ZNF609: variants seen among roughly 807,000 people sequenced by gnomAD.
ZNF609 encodes the protein zinc finger protein 609.
Under a neutral mutation model 109.5 loss-of-function variants are expected in ZNF609, and 11 were observed. The observed-to-expected ratio is 0.10, with a 90% CI of 0.06 to 0.17. The LOEUF is 0.17. ZNF609 is among the 10% of genes least tolerant of loss of function. The pLI, the probability that ZNF609 is intolerant of heterozygous loss-of-function variation, is 1.00. For synonymous variants in ZNF609, 646 were observed against 662.0 expected (o/e 0.98, Z 0.37); for missense variants, 1,559 against 1,772.4 (o/e 0.88, Z 2.16).
intron 2 of ZNF609, among the ~76,000 whole-genome samples, chr15:64,514,174 G>A (rs150407658): frequency 2.0e-5 from 3 of 151,592 alleles, no homozygotes; most frequent in South Asian, 2.1e-4. Context: ...CAGCTGTGAG[G>A]CCCAAACCAT....
intron 5 of ZNF609, 85 bp downstream of exon 5, chr15:64,676,341 G>A: frequency 1.5e-6 from 2 of 1,306,172 alleles, no homozygotes; most frequent in South Asian, 3.3e-5. Flanking sequence ...TTATACAGGG[G>A]TTCAACGGAA....
intron 2 of ZNF609, among the ~76,000 whole-genome samples, chr15:64,532,699 C>A (rs1413567204): frequency 6.6e-6 from 1 of 152,148 alleles, no homozygotes; most frequent in Admixed American, 6.5e-5. Context: ...AGCTTCACAG[C>A]GAGATGACTG....
At chr15:64,680,130 CAG>C (rs1201242178) in intron 6 of ZNF609, 53 bp from the exon 7 acceptor site, 24 of 1,586,952 alleles carry the variant, frequency 1.5e-5, no homozygotes, top group Non-Finnish European at 2.0e-5. Context: ...CTCACTAAAG[CAG>C]AGTTTCCTCT....
chr15:64,675,790 A>G lies in ZNF609; in HGVS notation c.2936A>G (p.Tyr979Cys), dbSNP rs745744581. ...MQSLYYNQYA[Y>C]VPPYGYSDQS... ...TCCCTGTACTACAACCAGTATGCCT[A>G]TGTACCCCCCTATGGCTACAGCGAC... The change falls in exon 5 of 10, where the codon TAT (tyrosine) becomes TGT (cysteine). Residue 979 changes from tyrosine (Y) to cysteine (C), a missense_variant. Physicochemically the swap from Tyr to Cys is radical, Grantham distance 194. Around this residue, in one of 4 missense-constraint regions of ZNF609, gnomAD observed 1,204 missense variants for 1,314.1 expected, o/e 0.92. Transcript: ENST00000326648. 2.5e-6 allele frequency: 4 copies of G among 1,614,172 alleles called. No homozygotes were observed. Among genetic ancestry groups the G allele is most frequent in the Admixed American group, 1.7e-5 (1 of 60,016 alleles).
At chr15:64,619,650 T>C (rs1895849414) in intron 2 of ZNF609, among the ~76,000 whole-genome samples, 1 of 152,238 alleles carries the variant, frequency 6.6e-6, no homozygotes, top group South Asian at 2.1e-4. Flanking sequence ...GTCATCTTCA[T>C]ACAACAGAGA....
At chr15:64,511,220 C>G (rs1893723058) in intron 2 of ZNF609, among the ~76,000 whole-genome samples, 1 of 151,740 alleles carries the variant, frequency 6.6e-6, no homozygotes, top group African/African-American at 2.4e-5. Context: ...ACCTGTAATC[C>G]CAGCACTTTG....
At chr15:64,665,044 C>T (rs1314347430) in intron 3 of ZNF609, among the ~76,000 whole-genome samples, 1 of 152,166 alleles carries the variant, frequency 6.6e-6, no homozygotes, top group Non-Finnish European at 1.5e-5. Context: ...CAGAGCAGGC[C>T]ACCTTTTGGG....
intron 6 of ZNF609, among the ~76,000 whole-genome samples, chr15:64,679,967 A>C (rs1896858937): frequency 6.6e-6 from 1 of 152,194 alleles, no homozygotes; most frequent in Non-Finnish European, 1.5e-5. Flanking sequence ...GGAAGTTGGA[A>C]GCAGGAAACA....
chr15:64,482,514 G>T (rs1270559988), intron 1 of ZNF609, among the ~76,000 whole-genome samples: 1 of 152,024 alleles, frequency 6.6e-6, no homozygotes, highest in Non-Finnish European at 1.5e-5. Context: ...ACCTTAAATT[G>T]TAAGTGGCAT....
intron 2 of ZNF609, among the ~76,000 whole-genome samples, chr15:64,602,524 G>A (rs1034150152): frequency 1.4e-4 from 22 of 151,934 alleles, no homozygotes; most frequent in African/African-American, 4.4e-4. Context: ...TGCTTTTATC[G>A]TTATGATGAT....
chr15:64,619,433 A>G (rs1305003400), intron 2 of ZNF609, among the ~76,000 whole-genome samples: 2 of 152,242 alleles, frequency 1.3e-5, no homozygotes, highest in African/African-American at 4.8e-5. Flanking sequence ...ATTATGCACT[A>G]TGGCTTAATG....
chr15:64,640,020 A>C (rs1299139769), intron 3 of ZNF609, among the ~76,000 whole-genome samples: 1 of 152,028 alleles, frequency 6.6e-6, no homozygotes, highest in East Asian at 1.9e-4. Flanking sequence ...CCTGGGTTCA[A>C]GCGATTCTCT....
chr15:64,530,702 A>G (rs933028788), intron 2 of ZNF609, among the ~76,000 whole-genome samples: 3 of 152,198 alleles, frequency 2.0e-5, no homozygotes, highest in African/African-American at 7.2e-5. Context: ...TTGAGTTTGA[A>G]TTTATTTAAT....
intron 1 of ZNF609, among the ~76,000 whole-genome samples, chr15:64,472,211 C>T (rs1893101665): frequency 6.6e-6 from 1 of 152,162 alleles, no homozygotes; most frequent in Admixed American, 6.5e-5. Context: ...CCACACCCGG[C>T]CTATAAGTAG....
intron 2 of ZNF609, among the ~76,000 whole-genome samples, chr15:64,618,892 G>A (rs1895839431): frequency 6.6e-6 from 1 of 152,214 alleles, no homozygotes. Context: ...GGGAGGGGCT[G>A]TGGCAGGCCA....
chr15:64,675,622 C>A lies in ZNF609; in HGVS notation c.2768C>A (p.Ala923Asp). The change falls in exon 5 of 10, where the codon GCC (alanine) becomes GAC (aspartate). Residue 923 changes from alanine to aspartate, a missense_variant. Transcript: ENST00000326648. ...PSSQAGVESQ[A>D]LKTKRDEEPE... is the part of the protein sequence containing the mutation. ...AGCCAGGCAGGAGTGGAGAGCCAGGCCCTGAAGACAAAAAGGGATGAGGAA... is the reference window on the plus strand; with the variant it reads ...AGCCAGGCAGGAGTGGAGAGCCAGGACCTGAAGACAAAAAGGGATGAGGAA... The A allele has an allele frequency of 1.9e-6, 3 of 1,613,984 alleles. No homozygotes were observed. Among genetic ancestry groups the A allele is most frequent in the Middle Eastern group, 1.6e-4 (1 of 6,062 alleles).
At chr15:64,629,632 C>G (rs904097668) in intron 3 of ZNF609, among the ~76,000 whole-genome samples, 1 of 152,164 alleles carries the variant, frequency 6.6e-6, no homozygotes, top group African/African-American at 2.4e-5. Flanking sequence ...TTCCCAGAAG[C>G]CACACCATAA....
chr15:64,647,732 T>C (rs1234570309), intron 3 of ZNF609, among the ~76,000 whole-genome samples: 1 of 152,202 alleles, frequency 6.6e-6, no homozygotes, highest in African/African-American at 2.4e-5. Flanking sequence ...ACTTCTTAAA[T>C]TTTCTAGCTC....
chr15:64,683,097 C>T lies in ZNF609; in HGVS notation c.*1411C>T, dbSNP rs907880554. On this transcript the variant is annotated 3_prime_UTR_variant, in exon 10 of 10. Coordinates refer to ENST00000326648, the MANE Select transcript of ZNF609 (RefSeq NM_015042.2). ...TGGGAAAGTGAGGATGATTTGGTAG[C>T]TTTATTGGGGTCATGTCTTCCCCAA... is the stretch of plus-strand genomic sequence containing the variant. The T allele has an allele frequency of 4.6e-5, 7 of 152,588 alleles. No individual in the cohort carries two copies. Among genetic ancestry groups the T allele is most frequent in the African/African-American group, 1.7e-4 (7 of 41,426 alleles). The allele number at this position is 152,588 out of a possible 1,614,324, so 9.5% of individuals were successfully genotyped here. A position where few individuals can be genotyped will look rare whatever the true frequency, so the allele number is the denominator to read the frequency against.
Sources: allele counts gnomAD v4.1 joint callset (sites outside exome capture counted in the v4.1 genomes callset), GRCh38; gene constraint gnomAD v4.1.1; regional missense constraint gnomAD v4.1.1; transcripts MANE v1.5; gene names NCBI Gene and HGNC (gene_info 2026-07-23, HGNC 2026-07-21).